The following KIF26B variants were observed in gnomAD, a reference collection of about 807,000 sequenced individuals.
The protein encoded by KIF26B is kinesin family member 26B.
In KIF26B, 63 loss-of-function variants were observed where a neutral mutation model predicts 151.2. The ratio of observed to expected loss-of-function variants is 0.42; its 90% CI spans 0.34 to 0.51. The LOEUF (loss-of-function observed/expected upper bound fraction) is 0.51. Among genes scored for constraint, KIF26B ranks in the 20% least tolerant of loss-of-function variants. The pLI is 0.07. For synonymous variants in KIF26B, 1,357 were observed against 1,262.1 expected, an observed-to-expected ratio of 1.08 and a Z score of -1.59; for missense variants, 2,813 against 2,913.6, an observed-to-expected ratio of 0.97 and a Z score of 0.79.
At position 245,688,100 on chromosome 1, in the gene KIF26B, C is replaced by T. The variant is rs1317702597; in HGVS notation, c.5117C>T (p.Ala1706Val). The T allele has an allele frequency of 3.2e-6, 5 of 1,554,408 alleles. No individual in the cohort carries two copies. Among genetic ancestry groups the T allele is most frequent in the African/African-American group, 1.4e-5 (1 of 73,440 alleles). ...GGCAAGGACGGCACCATGCCCCGCG[C>T]GGGGAGGAGCCTGGGCCGCAGCGCC... ...HAGKDGTMPR[A>V]GRSLGRSAGT... is the part of the protein sequence containing the mutation. Residue 1706 changes from alanine to valine, a missense_variant, in exon 12 of 15, where the codon GCG (alanine) becomes GTG (valine). Physicochemically the swap from Ala to Val is moderately conservative, Grantham distance 64 (BLOSUM62 0). Transcript: ENST00000407071.
At chr1:245,159,624 G>C (rs1215998624) in intron 2 of KIF26B, among the ~76,000 whole-genome samples, 1 of 152,176 alleles carries the variant, frequency 6.6e-6, no homozygotes, top group Non-Finnish European at 1.5e-5. Context: ...TATTACTCCT[G>C]TCAGTTTCTA....
chr1:245,205,689 G>GT (rs1435226965), intron 2 of KIF26B, among the ~76,000 whole-genome samples: 1 of 147,406 alleles, frequency 6.8e-6, no homozygotes, highest in African/African-American at 2.5e-5. Flanking sequence ...CCTGAGGAAC[G>GT]TTTTCTTTTT....
chr1:245,684,122 T>TG (rs1243616479), intron 10 of KIF26B, 111 bp from the exon 11 acceptor site: 12 of 1,136,116 alleles, frequency 1.1e-5, no homozygotes, highest in Admixed American at 2.3e-5. Context: ...TTAAAAAGGG[T>TG]GGGGGGACCA....
intron 2 of KIF26B, among the ~76,000 whole-genome samples, chr1:245,366,451 G>A (rs1348272866): frequency 6.6e-6 from 1 of 151,244 alleles, no homozygotes; most frequent in Non-Finnish European, 1.5e-5. Flanking sequence ...AGAATCACTT[G>A]AATCCAGAGG....
intron 2 of KIF26B, among the ~76,000 whole-genome samples, chr1:245,196,206 A>G (rs1227074106): frequency 6.6e-6 from 1 of 152,148 alleles, no homozygotes; most frequent in Non-Finnish European, 1.5e-5. Context: ...TATAAGATGT[A>G]TAGTCTTTTG....
intron 2 of KIF26B, among the ~76,000 whole-genome samples, chr1:245,196,614 C>A (rs767620152): frequency 1.3e-5 from 2 of 152,078 alleles, no homozygotes; most frequent in Admixed American, 1.3e-4. Flanking sequence ...AGGTGATTTC[C>A]GAGAACCACT....
chr1:245,433,250 G>C (rs1386895619), intron 4 of KIF26B, among the ~76,000 whole-genome samples: 4 of 151,582 alleles, frequency 2.6e-5, no homozygotes, highest in African/African-American at 9.7e-5. Flanking sequence ...TGGATCACAA[G>C]GTCAGGAGTT....
At chr1:245,366,809 C>T (rs1171470949) in intron 2 of KIF26B, 25 bp from the exon 3 acceptor site, 19 of 1,607,230 alleles carry the variant, frequency 1.2e-5, no homozygotes, top group Non-Finnish European at 1.5e-5. Context: ...AGAATCTCCT[C>T]TCCCTCTGCT....
At chr1:245,334,154 C>CCT (rs1372175288) in intron 2 of KIF26B, among the ~76,000 whole-genome samples, 1 of 152,084 alleles carries the variant, frequency 6.6e-6, no homozygotes, top group Non-Finnish European at 1.5e-5. Context: ...GCAGCAATGG[C>CCT]CTCTCTCTCT....
intron 2 of KIF26B, among the ~76,000 whole-genome samples, chr1:245,345,668 C>T (rs1457220630): frequency 6.6e-6 from 1 of 152,080 alleles, no homozygotes; most frequent in Non-Finnish European, 1.5e-5. Context: ...CCCCTTGCTG[C>T]TGTTCTCGTG....
In KIF26B at chr1:245,540,715, CAGATCT is replaced by C; in HGVS notation, c.1167-51_1167-46del. ...TTAAGAGAAAACGAAGTAAGCCTAGCAGATCTGATCGTACAATCATTTTCCCCTTAT... is the reference window on the plus strand; with the variant it reads ...TTAAGAGAAAACGAAGTAAGCCTAGCGATCGTACAATCATTTTCCCCTTAT... On this transcript the variant is annotated intron_variant, in intron 4 of 14. Coordinates refer to ENST00000407071, the MANE Select transcript of KIF26B (RefSeq NM_018012.4). This position sits in a 1 kb window ranked among gnomAD's most constrained non-coding sequence, Gnocchi z 4.6. 6.7e-7 allele frequency: 1 copy of C among 1,494,250 alleles called. No homozygotes were observed. The highest frequency in any genetic ancestry group is 9.3e-7 in the Non-Finnish European group (1 of 1,070,738). 92.6% of individuals were successfully genotyped at this position (1,494,250 alleles called of 1,614,324 possible). A position where few individuals can be genotyped will look rare whatever the true frequency, so the allele number is the denominator to read the frequency against.
intron 2 of KIF26B, among the ~76,000 whole-genome samples, chr1:245,212,551 A>G (rs537698411): frequency 7.5e-4 from 114 of 152,296 alleles, no homozygotes; most frequent in Non-Finnish European, 1.1e-3. Context: ...TTTGCCCCCA[A>G]TCCTACGGGT....
chr1:245,223,033 A>G (rs746580701), intron 2 of KIF26B, among the ~76,000 whole-genome samples: 3 of 151,918 alleles, frequency 2.0e-5, no homozygotes, highest in Non-Finnish European at 1.5e-5. Context: ...GCTTGGGGTG[A>G]TTTTGCCCCC....
chr1:245,288,211 A>G (rs1671199932), intron 2 of KIF26B, among the ~76,000 whole-genome samples: 1 of 152,158 alleles, frequency 6.6e-6, no homozygotes, highest in Admixed American at 6.5e-5. Context: ...CATTCGGAGC[A>G]TCGTAATCAT....
At chr1:245,680,331 C>CTG (rs1479111210) in intron 10 of KIF26B, among the ~76,000 whole-genome samples, 1 of 152,200 alleles carries the variant, frequency 6.6e-6, no homozygotes, top group Admixed American at 6.5e-5. Flanking sequence ...AAGGGCTCAC[C>CTG]AGCAGCTCTA....
chr1:245,566,279 G>C (rs1269396058), intron 5 of KIF26B, among the ~76,000 whole-genome samples: 2 of 152,242 alleles, frequency 1.3e-5, no homozygotes, highest in Non-Finnish European at 2.9e-5. Flanking sequence ...GGCAAGATGA[G>C]TTCCTCTTGG....
At chr1:245,447,185 G>A (rs754359407) in intron 4 of KIF26B, among the ~76,000 whole-genome samples, 2 of 152,114 alleles carry the variant, frequency 1.3e-5, no homozygotes, top group African/African-American at 2.4e-5. Context: ...TGGTGCCCGT[G>A]GCCCATCTGA....
chr1:245,380,025 A>C (rs925070284), intron 3 of KIF26B, among the ~76,000 whole-genome samples: 26 of 151,826 alleles, frequency 1.7e-4, no homozygotes, highest in African/African-American at 6.0e-4. Context: ...CACCTAATTC[A>C]TTTCTAATTG....
At chr1:245,245,925 CA>C (rs60181356) in intron 2 of KIF26B, among the ~76,000 whole-genome samples, 14,753 of 111,436 alleles carry the variant, frequency 0.13, 1,014 homozygotes, top group Middle Eastern at 0.2. Context: ...GACTCCGTCT[CA>C]AAAAAAAAAA....
Sources: allele counts gnomAD v4.1 joint callset (sites outside exome capture counted in the v4.1 genomes callset), GRCh38; gene constraint gnomAD v4.1.1; non-coding constraint Gnocchi (gnomAD v3.1); transcripts MANE v1.5; gene names NCBI Gene and HGNC (gene_info 2026-07-23, HGNC 2026-07-21).